The following SBF2 variants were observed in gnomAD, a reference collection of about 807,000 sequenced individuals.
SBF2 encodes SET binding factor 2.
Under a neutral mutation model 225.2 loss-of-function variants are expected in SBF2, and 112 were observed. That is an observed-to-expected ratio of 0.50 (90% CI 0.43 to 0.58). The LOEUF (loss-of-function observed/expected upper bound fraction) is 0.58, where lower values mean the gene tolerates loss of function less well. Ranked by LOEUF, SBF2 falls within the 20% of genes least tolerant of loss-of-function variation. The probability of loss-of-function intolerance (pLI) is 0.00; values close to 1 mark genes in which losing one functional copy is unlikely to be tolerated. For synonymous variants in SBF2, 763 were observed against 773.3 expected (o/e 0.99, Z 0.22); for missense variants, 1,996 against 2,206.2 (o/e 0.90, Z 1.91).
At chr11:9,979,180 C>T (rs1946834417) in intron 13 of SBF2, among the ~76,000 whole-genome samples, 1 of 152,126 alleles carries the variant, frequency 6.6e-6, no homozygotes, top group African/African-American at 2.4e-5. Context: ...ATTAGCCCCA[C>T]TAAAATGGGG....
At chr11:9,927,605 T>C (rs553213223) in intron 16 of SBF2, among the ~76,000 whole-genome samples, 5 of 152,200 alleles carry the variant, frequency 3.3e-5, no homozygotes, top group African/African-American at 9.6e-5. Flanking sequence ...CATGATCAAC[T>C]AGAATGGAAA....
intron 2 of SBF2, among the ~76,000 whole-genome samples, chr11:10,169,496 G>A (rs535625647): frequency 3.2e-4 from 49 of 152,180 alleles, no homozygotes; most frequent in Non-Finnish European, 6.8e-4. Flanking sequence ...TCATGTTGTT[G>A]CAAATGACAG....
intron 2 of SBF2, among the ~76,000 whole-genome samples, chr11:10,191,558 A>G (rs543363416): frequency 6.6e-6 from 1 of 152,356 alleles, no homozygotes; most frequent in African/African-American, 2.4e-5. Flanking sequence ...ACGTAATCCA[A>G]CAGATTACTC....
Position 9,781,359 on chromosome 11 carries a change from G to A in SBF2, c.5451+148C>T, listed in dbSNP as rs1851993567. ...TAGCCTTGGGGGTCAATAATGCTGA[G>A]TTCAAGCTCTGGAACAATTCCCATA... On this transcript the variant is annotated intron_variant, in intron 39 of 39. Coordinates refer to ENST00000256190, the MANE Select transcript of SBF2 (RefSeq NM_030962.4). 6.8e-6 allele frequency: 7 copies of A among 1,026,648 alleles called. No individual in the cohort carries two copies. In the Admixed American group the frequency reaches 1.1e-4, roughly 16 times the overall value. 63.6% of individuals were successfully genotyped at this position (1,026,648 alleles called of 1,614,324 possible). A position where few individuals can be genotyped will look rare whatever the true frequency, so the allele number is the denominator to read the frequency against.
intron 15 of SBF2, among the ~76,000 whole-genome samples, chr11:9,963,254 CAGG>C (rs1180918980): frequency 2.0e-5 from 3 of 152,106 alleles, no homozygotes; most frequent in African/African-American, 7.2e-5. Context: ...CACTTGAGGG[CAGG>C]AGTTCAAGAC....
chr11:9,823,901 G>A (rs535743327), intron 28 of SBF2, among the ~76,000 whole-genome samples: 2 of 152,330 alleles, frequency 1.3e-5, no homozygotes, highest in South Asian at 2.1e-4. Context: ...GGAGTGAAGA[G>A]TTAAGAGATG....
chr11:10,068,541 T>C (rs376701798), intron 2 of SBF2, among the ~76,000 whole-genome samples: 16 of 152,242 alleles, frequency 1.1e-4, no homozygotes, highest in African/African-American at 3.6e-4. Flanking sequence ...TACTTAGCTG[T>C]GTGGGCTCTC....
chr11:10,265,594 C>CA (rs1290234456), intron 1 of SBF2, among the ~76,000 whole-genome samples: 1 of 151,876 alleles, frequency 6.6e-6, no homozygotes, highest in Non-Finnish European at 1.5e-5. Context: ...CTAGAGAACT[C>CA]AATGAAAACC....
At chr11:10,182,898 C>T (rs1313458768) in intron 2 of SBF2, among the ~76,000 whole-genome samples, 1 of 152,010 alleles carries the variant, frequency 6.6e-6, no homozygotes, top group Non-Finnish European at 1.5e-5. Context: ...CTCAGCCTCC[C>T]GAGTAGCTGG....
intron 17 of SBF2, among the ~76,000 whole-genome samples, chr11:9,884,565 G>A (rs924226525): frequency 6.6e-6 from 1 of 152,088 alleles, no homozygotes; most frequent in Non-Finnish European, 1.5e-5. Context: ...CAGTTTTGGT[G>A]GCGTACTTTC....
chr11:9,901,772 A>G (rs1861736845), intron 16 of SBF2, among the ~76,000 whole-genome samples: 1 of 152,130 alleles, frequency 6.6e-6, no homozygotes, highest in African/African-American at 2.4e-5. Flanking sequence ...AGCCTCCTGA[A>G]TAGCTGGGAA....
intron 2 of SBF2, among the ~76,000 whole-genome samples, chr11:10,120,898 G>C (rs1953408555): frequency 6.6e-6 from 1 of 151,702 alleles, no homozygotes; most frequent in Admixed American, 6.6e-5. Flanking sequence ...GAGCTAGCAG[G>C]CGTGAGCTAC....
In SBF2 at chr11:10,282,294, G is replaced by T. The variant is rs1963463173; in HGVS notation, c.55+11721C>A. ...GCTGCCACTGCTTTATCTACCTTTT[G>T]AATATTGATTTTTCTCTGAGTACAA... is the stretch of plus-strand genomic sequence containing the variant. On this transcript the variant is annotated intron_variant, in intron 1 of 39. Coordinates refer to ENST00000256190, the MANE Select transcript of SBF2 (RefSeq NM_030962.4). Among the ~76,000 whole-genome samples the T allele has an allele frequency of 1.3e-5, 2 of 151,938 alleles. 1 individual carries two copies. Among genetic ancestry groups the T allele is most frequent in the South Asian group, 4.2e-4 (2 of 4,814 alleles).
intron 21 of SBF2, among the ~76,000 whole-genome samples, chr11:9,852,277 T>C (rs1418554351): frequency 6.6e-6 from 1 of 152,044 alleles, no homozygotes; most frequent in East Asian, 1.9e-4. Context: ...TCCAGCTGTT[T>C]GGGATGTATA....
At chr11:10,184,071 A>G (rs928778496) in intron 2 of SBF2, among the ~76,000 whole-genome samples, 1 of 152,272 alleles carries the variant, frequency 6.6e-6, no homozygotes, top group African/African-American at 2.4e-5. Context: ...CATTGCATAC[A>G]TGTACTGAAA....
intron 6 of SBF2, among the ~76,000 whole-genome samples, chr11:10,011,037 T>C (rs891717396): frequency 1.3e-5 from 2 of 152,222 alleles, no homozygotes; most frequent in Non-Finnish European, 2.9e-5. Context: ...TGGCTGTTTG[T>C]CTATTAGTGG....
chr11:10,094,215 C>T (rs1240628223), intron 2 of SBF2, among the ~76,000 whole-genome samples: 10 of 152,108 alleles, frequency 6.6e-5, no homozygotes, highest in Admixed American at 3.9e-4. Context: ...CCCAGCTACT[C>T]GGCAGGCTGA....
intron 2 of SBF2, among the ~76,000 whole-genome samples, chr11:10,121,951 C>A (rs1249314001): frequency 1.3e-5 from 2 of 152,136 alleles, no homozygotes; most frequent in East Asian, 1.9e-4. Context: ...GTTATGATGA[C>A]TGCTGAAGTA....
At chr11:10,110,993 T>G (rs535077680) in intron 2 of SBF2, among the ~76,000 whole-genome samples, 94 of 152,268 alleles carry the variant, frequency 6.2e-4, no homozygotes, top group African/African-American at 2.1e-3. Context: ...GATATACACA[T>G]ACGACCACAT....
Sources: gnomAD v4.1 joint callset for allele counts (sites outside exome capture counted in the v4.1 genomes callset) on GRCh38, gnomAD v4.1.1 for gene constraint, MANE v1.5 for transcripts, NCBI Gene and HGNC (gene_info 2026-07-23, HGNC 2026-07-21) for gene names.